Variants in ANK2 observed in about 807,000 individuals in gnomAD.
ANK2 encodes the protein ankyrin 2.
Under a neutral mutation model 360.5 loss-of-function variants are expected in ANK2, and 83 were observed. That is an observed-to-expected ratio of 0.23 (90% CI 0.19 to 0.28). The LOEUF is 0.28. Among genes scored for constraint, ANK2 ranks in the 10% least tolerant of loss-of-function variants. The pLI, the probability that ANK2 is intolerant of heterozygous loss-of-function variation, is 1.00. For synonymous variants in ANK2, 1,740 were observed against 1,759.5 expected, an observed-to-expected ratio of 0.99 and a Z score of 0.28; for missense variants, 4,201 against 4,795.7, an observed-to-expected ratio of 0.88 and a Z score of 3.66.
In ANK2 at chr4:113,355,668, T is replaced by C; in HGVS notation, c.7050T>C (p.Asp2350=). ...PTGLTEEAAC[D]EGQRTFGSSA... ...GACTGACTGAGGAGGCAGCCTGTGA[T>C]GAAGGTCAACGTACCTTTGGTAGTT... The change falls in exon 38 of 46, where the codon GAT becomes GAC. Residue 2350 remains aspartate, a synonymous_variant. Coordinates refer to ENST00000357077, the MANE Select transcript of ANK2 (RefSeq NM_001148.6). The C allele has an allele frequency of 1.2e-6, 2 of 1,614,102 alleles. No individual in the cohort carries two copies. The highest frequency in any genetic ancestry group is 1.7e-6 in the Non-Finnish European group (2 of 1,179,996).
the ANK2 span, among the ~76,000 whole-genome samples, chr4:112,707,274 T>C: frequency 6.6e-6 from 1 of 152,240 alleles, no homozygotes; most frequent in Admixed American, 6.5e-5. Context: ...TAAAATTGAT[T>C]GATGCCTAAC....
At chr4:112,887,322 T>A (rs1457665158) in intron 1 of ANK2, among the ~76,000 whole-genome samples, 1 of 152,212 alleles carries the variant, frequency 6.6e-6, no homozygotes, top group Non-Finnish European at 1.5e-5. Context: ...CTTCAAATTT[T>A]AAATTTTGAT....
upstream of ANK2, among the ~76,000 whole-genome samples, chr4:112,815,044 G>A (rs1393385548): frequency 2.0e-5 from 3 of 149,434 alleles, no homozygotes; most frequent in Non-Finnish European, 3.0e-5. Flanking sequence ...GAGTCTCAAA[G>A]TCTACTATTT....
intron 2 of ANK2, among the ~76,000 whole-genome samples, chr4:112,909,331 T>G (rs1380968802): frequency 6.6e-6 from 1 of 152,238 alleles, no homozygotes; most frequent in African/African-American, 2.4e-5. Context: ...TCTGGAATTC[T>G]TTTTCCTGAA....
chr4:113,227,629 G>T (rs79642051), intron 4 of ANK2, among the ~76,000 whole-genome samples: 54 of 152,236 alleles, frequency 3.5e-4, no homozygotes, highest in African/African-American at 1.3e-3. Flanking sequence ...CTATCACACA[G>T]CCAGGCTGAG....
At chr4:112,756,868 G>C in the ANK2 span, among the ~76,000 whole-genome samples, 2 of 152,000 alleles carry the variant, frequency 1.3e-5, no homozygotes, top group Admixed American at 6.6e-5. Context: ...AGCTACTCAG[G>C]AGGCTGAGGC....
chr4:112,834,491 A>G (rs1422360042), intron 1 of ANK2, among the ~76,000 whole-genome samples: 1 of 152,190 alleles, frequency 6.6e-6, no homozygotes, highest in East Asian at 1.9e-4. Context: ...ATAATAAGAA[A>G]TATATTTGCC....
intron 2 of ANK2, among the ~76,000 whole-genome samples, chr4:112,952,295 G>A (rs1201350566): frequency 1.3e-5 from 2 of 152,174 alleles, no homozygotes; most frequent in Non-Finnish European, 2.9e-5. Context: ...AGGGAGTGAT[G>A]TTTAAAATGT....
chr4:112,951,598 A>C (rs912770941), intron 2 of ANK2, among the ~76,000 whole-genome samples: 8 of 151,906 alleles, frequency 5.3e-5, no homozygotes, highest in Non-Finnish European at 1.0e-4. Context: ...TTATTGTTCG[A>C]GATTATGGTT....
chr4:113,364,795 T>C (rs1315163643), intron 40 of ANK2, among the ~76,000 whole-genome samples: 1 of 152,224 alleles, frequency 6.6e-6, no homozygotes, highest in African/African-American at 2.4e-5. Context: ...TTATCTGAAA[T>C]TCAGGTATGG....
At position 112,827,100 on chromosome 4, in the gene ANK2, C is replaced by G. The variant is rs541042051; in HGVS notation, c.-40+8836C>G. 9.0e-6 allele frequency: 10 copies of G among 1,114,546 alleles called. 1 individual carries two copies. The highest frequency in any genetic ancestry group is 6.2e-5 in the South Asian group (5 of 80,770). The allele number at this position is 1,114,546 out of a possible 1,614,324, so 69.0% of individuals were successfully genotyped here. A position where few individuals can be genotyped will look rare whatever the true frequency, so the allele number is the denominator to read the frequency against. ...ATGCAACACAGGAAAAATTATGAAG[C>G]CTTCTAGAAAAACTGACTGCAATTG... On this transcript the variant is annotated intron_variant, in intron 1 of 30. Coordinates refer to the ANK2 transcript ENST00000503271.
the ANK2 span, among the ~76,000 whole-genome samples, chr4:112,810,818 T>C: frequency 6.6e-6 from 1 of 152,232 alleles, no homozygotes; most frequent in Non-Finnish European, 1.5e-5. Flanking sequence ...CCCAAAGTGC[T>C]GGGATTATAG....
intron 2 of ANK2, among the ~76,000 whole-genome samples, chr4:113,002,492 T>C (rs1277953051): frequency 6.6e-6 from 1 of 151,368 alleles, no homozygotes; most frequent in Non-Finnish European, 1.5e-5. Flanking sequence ...TATTCTCACT[T>C]ATAGGTGGGA....
intron 2 of ANK2, among the ~76,000 whole-genome samples, chr4:112,976,738 C>T (rs1047040540): frequency 6.6e-6 from 1 of 151,616 alleles, no homozygotes; most frequent in East Asian, 1.9e-4. Flanking sequence ...TTTAAGAGAG[C>T]TCCCAAAACA....
chr4:113,158,181 A>C (rs1284234354), intron 1 of ANK2, among the ~76,000 whole-genome samples: 2 of 152,224 alleles, frequency 1.3e-5, no homozygotes, highest in Non-Finnish European at 2.9e-5. Flanking sequence ...GTAGGAAAAA[A>C]TTCAAACATT....
At chr4:112,939,710 T>A (rs1248699341) in intron 2 of ANK2, among the ~76,000 whole-genome samples, 1 of 152,070 alleles carries the variant, frequency 6.6e-6, no homozygotes, top group African/African-American at 2.4e-5. Flanking sequence ...CTGTGAAAAA[T>A]CTCCCTCCTT....
intron 1 of ANK2, among the ~76,000 whole-genome samples, chr4:112,888,503 C>A (rs1322193989): frequency 6.6e-6 from 1 of 151,894 alleles, no homozygotes; most frequent in Non-Finnish European, 1.5e-5. Flanking sequence ...CTACTTCTGG[C>A]AAGTTTTAAC....
chr4:112,821,204 C>T (rs1002607987), intron 1 of ANK2, among the ~76,000 whole-genome samples: 1 of 152,014 alleles, frequency 6.6e-6, no homozygotes. Context: ...CATGAGCCAC[C>T]CCGCCCGGCC....
At chr4:113,277,208 A>G (rs1203715732) in intron 15 of ANK2, among the ~76,000 whole-genome samples, 1 of 152,250 alleles carries the variant, frequency 6.6e-6, no homozygotes, top group Non-Finnish European at 1.5e-5. Context: ...TGCCAGAAGT[A>G]GAACGTATTT....
Sources: gnomAD v4.1 joint callset for allele counts (sites outside exome capture counted in the v4.1 genomes callset) on GRCh38, gnomAD v4.1.1 for gene constraint, MANE v1.5 for transcripts, NCBI Gene and HGNC (gene_info 2026-07-23, HGNC 2026-07-21) for gene names.